The following DST variants were observed in gnomAD, a reference collection of about 807,000 sequenced individuals.
The protein encoded by DST is bullous pemphigoid antigen.
DST carries 253 observed loss-of-function variants against 875.2 expected under a neutral mutation model. The observed-to-expected ratio is 0.29, with a 90% confidence interval of 0.26 to 0.32. DST has a LOEUF of 0.32. Among genes scored for constraint, DST ranks in the 10% least tolerant of loss-of-function variants. The pLI is 1.00. For missense variants in DST, 8,287 were observed against 9,111.6 expected (o/e 0.91, Z 3.68); for synonymous variants, 3,124 against 3,197.1 (o/e 0.98, Z 0.77).
rs772201335 is a variant in DST, at chr6:56,527,729, C to T, written c.17686G>A (p.Glu5896Lys). 6.3e-7 allele frequency: 1 copy of T among 1,593,322 alleles called. No homozygotes were observed. The highest frequency in any genetic ancestry group is 8.5e-7 in the Non-Finnish European group (1 of 1,169,666). Residue 5896 changes from glutamate (E) to lysine (K), a missense_variant, in exon 68 of 104, where the codon GAA (glutamate) becomes AAA (lysine). Physicochemically the swap from Glu to Lys is moderately conservative, Grantham distance 56 (BLOSUM62 1). This residue lies in a region of DST where 777 missense variants were observed against 764.8 expected (regional missense o/e 1.02). Transcript: ENST00000680361. ...AATTTATCTTGAATTATTAAAACTT[C>T]ATCACCTAAAATTTCAAAGTCACGT... The part of the protein sequence containing the change: ...LELLKQTTGD[E>K]VLIIQDKLEA...
chr6:56,799,739 G>A (rs1290339504), intron 4 of DST, among the ~76,000 whole-genome samples: 5 of 151,348 alleles, frequency 3.3e-5, no homozygotes, highest in African/African-American at 7.3e-5. Flanking sequence ...CTCCTGCCTC[G>A]GCCTTCCAAG....
intron 4 of DST, among the ~76,000 whole-genome samples, chr6:56,756,035 T>C (rs931785874): frequency 1.3e-5 from 2 of 152,174 alleles, no homozygotes; most frequent in African/African-American, 4.8e-5. Flanking sequence ...ATATAGTATA[T>C]GTAGGAGAAA....
At chr6:56,619,854 G>A (rs763813504) in intron 36 of DST, 43 of 1,613,920 alleles carry the variant, frequency 2.7e-5, no homozygotes, top group Non-Finnish European at 3.6e-5. Context: ...GTTTTTTCAA[G>A]CTGGAGGGCA....
At chr6:56,556,034 T>C (rs796316007) in intron 59 of DST, among the ~76,000 whole-genome samples, 194 bp from the exon 60 acceptor site, 13 of 152,270 alleles carry the variant, frequency 8.5e-5, no homozygotes, top group African/African-American at 3.1e-4. Flanking sequence ...CACAGAGATA[T>C]CCTGTCTAAA....
intron 9 of DST, among the ~76,000 whole-genome samples, chr6:56,694,445 T>C (rs1251456082): frequency 6.6e-6 from 1 of 152,150 alleles, no homozygotes; most frequent in Non-Finnish European, 1.5e-5. Context: ...TCCTTAATCA[T>C]TTAAAAACAT....
At chr6:56,907,401 A>G (rs552906267) in intron 2 of DST, among the ~76,000 whole-genome samples, 7 of 152,274 alleles carry the variant, frequency 4.6e-5, no homozygotes, top group African/African-American at 1.4e-4. Flanking sequence ...GTATGTGTAG[A>G]TGGGCATAAA....
intron 69 of DST, among the ~76,000 whole-genome samples, chr6:56,521,419 T>G (rs978365009): frequency 2.0e-5 from 3 of 151,176 alleles, no homozygotes; most frequent in African/African-American, 7.3e-5. Flanking sequence ...ATGAGTGTCC[T>G]CATAAAGACA....
At chr6:56,697,330 T>C (rs1368478442) in intron 9 of DST, among the ~76,000 whole-genome samples, 2 of 152,182 alleles carry the variant, frequency 1.3e-5, no homozygotes, top group Non-Finnish European at 2.9e-5. Context: ...ACAGCTTATC[T>C]CTCTCACTAT....
At chr6:56,723,495 C>T (rs2152916306) in intron 5 of DST, among the ~76,000 whole-genome samples, 1 of 152,076 alleles carries the variant, frequency 6.6e-6, no homozygotes, top group South Asian at 2.1e-4. Context: ...CCCCGGGAGG[C>T]AGAGGTTATG....
chr6:56,572,837 C>G lies in DST; in HGVS notation c.13464G>C (p.Lys4488Asn). 6.2e-7 allele frequency: 1 copy of G among 1,611,928 alleles called. No individual in the cohort carries two copies. The highest frequency in any genetic ancestry group is 8.5e-7 in the Non-Finnish European group (1 of 1,179,348). Reference sequence around the variant, plus strand: ...TTTTTGTTTCTAAAAATGTCTGGAGCTTTTCTGAGAGGTTCTCAAACAGTT... The same window carrying G: ...TTTTTGTTTCTAAAAATGTCTGGAGGTTTTCTGAGAGGTTCTCAAACAGTT... Reference protein sequence around the residue: ...KVELFENLSEKLQTFLETKTQ... With the variant: ...KVELFENLSENLQTFLETKTQ... Residue 4488 changes from lysine (K) to asparagine (N), a missense_variant, in exon 52 of 104, where the codon AAG becomes AAC. Lys to Asn is a moderately conservative substitution (Grantham distance 94). Transcript: ENST00000680361.
At chr6:56,474,141 T>A in intron 92 of DST, 139 bp from the exon 93 acceptor site, 1 of 751,652 alleles carries the variant, frequency 1.3e-6, no homozygotes, top group Middle Eastern at 3.8e-4. Flanking sequence ...ATCTTTAGGG[T>A]AAAAAAAATC....
chr6:56,739,739 G>T (rs546472511), intron 4 of DST, among the ~76,000 whole-genome samples: 1 of 152,296 alleles, frequency 6.6e-6, no homozygotes, highest in African/African-American at 2.4e-5. Context: ...TCCTCACTAT[G>T]ACATTCCCAC....
At chr6:56,916,821 C>G (rs200461015) in intron 2 of DST, among the ~76,000 whole-genome samples, 1,668 of 140,502 alleles carry the variant, frequency 0.012, 25 homozygotes, top group East Asian at 0.04. Context: ...CACACACACA[C>G]ACAGAGAGAC....
chr6:56,682,138 T>C lies in DST; in HGVS notation c.1048-11331A>G, dbSNP rs550503870. Among the ~76,000 whole-genome samples the C allele has an allele frequency of 2.6e-5, 4 of 152,280 alleles. No individual in the cohort carries two copies. The East Asian group carries it at 7.7e-4, about 29-fold the overall frequency. On this transcript the variant is annotated intron_variant, in intron 9 of 103. Transcript: ENST00000680361. ...AATCCAAGTGAACTCATTCTGGACCTTGGCAATCAGAAAGTCGTCACTTTT... is the reference window on the plus strand; with the variant it reads ...AATCCAAGTGAACTCATTCTGGACCCTGGCAATCAGAAAGTCGTCACTTTT...
chr6:56,562,633 G>A (rs9349829), intron 55 of DST, among the ~76,000 whole-genome samples: 46,808 of 151,324 alleles, frequency 0.31, 8,852 homozygotes, highest in Non-Finnish European at 0.41. Flanking sequence ...GGATACATGT[G>A]CAGAATGTAC....
At chr6:56,787,965 C>G in intron 4 of DST, among the ~76,000 whole-genome samples, 1 of 151,026 alleles carries the variant, frequency 6.6e-6, no homozygotes, top group East Asian at 2.0e-4. Context: ...ACTAAAAATA[C>G]AAAAATTAGC....
At chr6:56,919,870 C>T (rs554399966) in intron 2 of DST, among the ~76,000 whole-genome samples, 8 of 152,140 alleles carry the variant, frequency 5.3e-5, no homozygotes, top group African/African-American at 1.7e-4. Context: ...TTGCTTAACC[C>T]GGAGACAGAG....
chr6:56,935,906 A>C (rs958869764), intron 2 of DST, among the ~76,000 whole-genome samples: 1 of 152,202 alleles, frequency 6.6e-6, no homozygotes, highest in Non-Finnish European at 1.5e-5. Flanking sequence ...GCCTGGTGAC[A>C]GAACGAGACT....
chr6:56,593,963 G>T lies in DST; in HGVS notation c.12426C>A (p.Asp4142Glu). The T allele has an allele frequency of 6.2e-7, 1 of 1,613,926 alleles. No homozygotes were observed. The highest frequency in any genetic ancestry group is 8.5e-7 in the Non-Finnish European group (1 of 1,179,874). The change falls in exon 48 of 104, where the codon GAC (aspartate) becomes GAA (glutamate). Residue 4142 changes from aspartate (D) to glutamate (E), a missense_variant. Physicochemically the swap from Asp to Glu is conservative, Grantham distance 45. This residue lies in a region of DST where 1,513 missense variants were observed against 1,677.8 expected (regional missense o/e 0.90). Transcript: ENST00000680361. Reference protein sequence around the residue: ...LQEELEKFDADYTEFEHWLQQ... With the variant: ...LQEELEKFDAEYTEFEHWLQQ... ...GTAGCCAGTGCTCAAACTCGGTATA[G>T]TCAGCATCAAACTTTTCTAATTCTT...
Sources: allele counts gnomAD v4.1 joint callset (sites outside exome capture counted in the v4.1 genomes callset), GRCh38; gene constraint gnomAD v4.1.1; regional missense constraint gnomAD v4.1.1; transcripts MANE v1.5; gene names NCBI Gene and HGNC (gene_info 2026-07-23, HGNC 2026-07-21).